Variants in RUNX2 observed in about 807,000 individuals in gnomAD.
RUNX2 encodes runt-related transcription factor 2.
In RUNX2, 10 loss-of-function variants were observed where a neutral mutation model predicts 51.7. The observed-to-expected ratio is 0.19, with a 90% CI of 0.12 to 0.33. RUNX2 has a LOEUF of 0.33. Ranked by LOEUF, RUNX2 falls within the 10% of genes least tolerant of loss-of-function variation. The pLI, the probability that RUNX2 is intolerant of heterozygous loss-of-function variation, is 1.00. For missense variants in RUNX2, 562 were observed against 691.3 expected, an observed-to-expected ratio of 0.81 and a Z score of 2.10; for synonymous variants, 276 against 273.6, an observed-to-expected ratio of 1.01 and a Z score of -0.09.
intron 6 of RUNX2, among the ~76,000 whole-genome samples, chr6:45,497,150 A>G (rs1350075908): frequency 6.6e-6 from 1 of 152,232 alleles, no homozygotes; most frequent in Admixed American, 6.5e-5. Flanking sequence ...CAGACACCCA[A>G]GGGGCTTCCC....
At chr6:45,496,399 G>A (rs1401410154) in intron 6 of RUNX2, among the ~76,000 whole-genome samples, 1 of 152,132 alleles carries the variant, frequency 6.6e-6, no homozygotes, top group East Asian at 1.9e-4. Context: ...CTCACAAGGA[G>A]CTTATATTTT....
chr6:45,518,055 T>C (rs1182473258), intron 7 of RUNX2, among the ~76,000 whole-genome samples: 2 of 152,204 alleles, frequency 1.3e-5, no homozygotes, highest in Non-Finnish European at 2.9e-5. Context: ...CAGCAATTAA[T>C]ACTAATAAAC....
At chr6:45,543,011 C>A (rs1802279190) in intron 7 of RUNX2, among the ~76,000 whole-genome samples, 1 of 152,114 alleles carries the variant, frequency 6.6e-6, no homozygotes, top group Non-Finnish European at 1.5e-5. Context: ...TATTTGAGTA[C>A]CTTGGGGGAT....
At chr6:45,530,513 T>C (rs1385355050) in intron 7 of RUNX2, among the ~76,000 whole-genome samples, 1 of 152,194 alleles carries the variant, frequency 6.6e-6, no homozygotes, top group East Asian at 1.9e-4. Flanking sequence ...TCCTATTGCA[T>C]ATGAAGAGGT....
chr6:45,463,848 A>G (rs1799548532), intron 5 of RUNX2, among the ~76,000 whole-genome samples: 1 of 152,172 alleles, frequency 6.6e-6, no homozygotes, highest in African/African-American at 2.4e-5. Context: ...AGATAAGACT[A>G]ATTTGACAAT....
intron 2 of RUNX2, among the ~76,000 whole-genome samples, chr6:45,348,235 G>C (rs1791290285): frequency 6.6e-6 from 1 of 151,932 alleles, no homozygotes; most frequent in Non-Finnish European, 1.5e-5. Context: ...GAGTCAGAAA[G>C]ACCAAATCTA....
chr6:45,382,226 C>T (rs1245519067), intron 2 of RUNX2, among the ~76,000 whole-genome samples: 4 of 152,128 alleles, frequency 2.6e-5, no homozygotes, highest in Non-Finnish European at 4.4e-5. Context: ...ACACTATTCT[C>T]GAAGCTGCAG....
intron 2 of RUNX2, among the ~76,000 whole-genome samples, chr6:45,367,047 G>A (rs766666038): frequency 6.1e-4 from 93 of 152,296 alleles, no homozygotes; most frequent in Non-Finnish European, 1.0e-3. Context: ...TGGGCCCCAC[G>A]AAAGAAGGTT....
At chr6:45,496,205 G>T (rs1800642503) in intron 6 of RUNX2, among the ~76,000 whole-genome samples, 1 of 152,150 alleles carries the variant, frequency 6.6e-6, no homozygotes, top group Non-Finnish European at 1.5e-5. Context: ...CTCTAGATGG[G>T]TCCGCTACAC....
At chr6:45,418,409 A>G (rs1360179250) in intron 2 of RUNX2, among the ~76,000 whole-genome samples, 1 of 152,230 alleles carries the variant, frequency 6.6e-6, no homozygotes, top group African/African-American at 2.4e-5. Context: ...CAGAGTTGCC[A>G]CATTTTCAGA....
intron 2 of RUNX2, among the ~76,000 whole-genome samples, chr6:45,342,787 A>G (rs1442478681): frequency 1.3e-5 from 2 of 152,224 alleles, no homozygotes; most frequent in African/African-American, 4.8e-5. Flanking sequence ...AAAAAAATAC[A>G]TATGAAGAAC....
rs1480520239 is a variant in RUNX2 at position 45,368,584 on chromosome 6, TA to T, written c.58+39804del. Among the ~76,000 whole-genome samples, 5 of 152,286 alleles carry T rather than the reference TA, an allele frequency of 3.3e-5. No individual in the cohort carries two copies. The East Asian group carries it at 9.6e-4, about 29-fold the overall frequency. The stretch of plus-strand genomic sequence containing the variant: ...AAATACCATGAAACATCTTTAAGCT[TA>T]AAAGACCTCAAATTGTTGAGAACCT... On this transcript the variant is annotated intron_variant, in intron 2 of 8. Transcript: ENST00000647337.
At chr6:45,463,776 T>C (rs182998177) in intron 5 of RUNX2, among the ~76,000 whole-genome samples, 5 of 152,292 alleles carry the variant, frequency 3.3e-5, no homozygotes, top group South Asian at 4.1e-4. Context: ...TGCATCCAGA[T>C]CTTTACTTTG....
intron 5 of RUNX2, among the ~76,000 whole-genome samples, chr6:45,452,676 A>G (rs759565005): frequency 6.6e-6 from 1 of 152,186 alleles, no homozygotes; most frequent in South Asian, 2.1e-4. Context: ...AGACACACAC[A>G]TGCACACGAG....
intron 2 of RUNX2, among the ~76,000 whole-genome samples, chr6:45,352,249 T>C (rs1792224276): frequency 6.6e-6 from 1 of 152,124 alleles, no homozygotes; most frequent in Non-Finnish European, 1.5e-5. Context: ...ATTTCAGCCT[T>C]AGAAAATACA....
At chr6:45,365,439 C>G (rs531002115) in intron 2 of RUNX2, 3 of 588,134 alleles carry the variant, frequency 5.1e-6, no homozygotes, top group Non-Finnish European at 8.7e-6. Flanking sequence ...AAAACTGATT[C>G]ACTTATACTT....
In RUNX2 at chr6:45,432,589, T is replaced by C. The variant is rs1218148341; in HGVS notation, c.580+570T>C. On this transcript the variant is annotated intron_variant, in intron 4 of 8. Transcript: ENST00000647337. The stretch of plus-strand genomic sequence containing the variant: ...GTTAGAGTGACTATGTAAGGTTGCC[T>C]AGACAGATGAATGATTAGTACTCTA... 2.0e-5 allele frequency among the ~76,000 whole-genome samples: 3 copies of C among 152,168 alleles called. No individual in the cohort carries two copies. In the East Asian group the frequency reaches 5.8e-4, roughly 29 times the overall value.
At chr6:45,490,503 G>A (rs1439587185) in intron 5 of RUNX2, among the ~76,000 whole-genome samples, 2 of 152,158 alleles carry the variant, frequency 1.3e-5, no homozygotes, top group African/African-American at 2.4e-5. Flanking sequence ...CAATGAAAAA[G>A]GAGACAGGAA....
At chr6:45,370,880 C>A (rs1795949074) in intron 2 of RUNX2, among the ~76,000 whole-genome samples, 1 of 152,032 alleles carries the variant, frequency 6.6e-6, no homozygotes, top group Non-Finnish European at 1.5e-5. Flanking sequence ...ATTCCATATG[C>A]TTTCATATCC....
Sources: allele counts gnomAD v4.1 joint callset (sites outside exome capture counted in the v4.1 genomes callset), GRCh38; gene constraint gnomAD v4.1.1; transcripts MANE v1.5; gene names NCBI Gene and HGNC (gene_info 2026-07-23, HGNC 2026-07-21).